Variants in WDR91 observed in about 807,000 individuals in gnomAD.
WDR91 encodes WD repeat domain 91, also known as WD repeat-containing protein 91.
In WDR91, 52 loss-of-function variants were observed where a neutral mutation model predicts 88.4. That is an observed-to-expected ratio of 0.59 (90% CI 0.47 to 0.74). The LOEUF (loss-of-function observed/expected upper bound fraction) is 0.74. Ranked by LOEUF, WDR91 falls within the 30% of genes least tolerant of loss-of-function variation. The pLI is 0.00. For synonymous variants in WDR91, 362 were observed against 389.5 expected, an observed-to-expected ratio of 0.93 and a Z score of 0.83; for missense variants, 824 against 954.5, an observed-to-expected ratio of 0.86 and a Z score of 1.80.
In WDR91 at chr7:135,196,280, G is replaced by A; in HGVS notation, c.1108C>T (p.His370Tyr). 6.2e-7 allele frequency: 1 copy of A among 1,609,680 alleles called. No homozygotes were observed. Among genetic ancestry groups the A allele is most frequent in the South Asian group, 1.1e-5 (1 of 90,464 alleles). The change falls in exon 8 of 15, where the codon CAC (histidine) becomes TAC (tyrosine). Residue 370 changes from histidine to tyrosine, a missense_variant. Transcript: ENST00000354475. This position sits in a 1 kb window ranked among gnomAD's most constrained non-coding sequence, Gnocchi z 4.2. ...GPEAEPCPEL[H>Y]TEPVEPLTRA... Reference sequence around the variant, plus strand: ...GTCAGTGGCTCCACTGGCTCCGTGTGGAGCTCTGGGCAGGGCTCAGCCTCT... The same window carrying A: ...GTCAGTGGCTCCACTGGCTCCGTGTAGAGCTCTGGGCAGGGCTCAGCCTCT...
At chr7:135,199,167 T>C (rs1299608269) in intron 6 of WDR91, 1 of 152,236 alleles carries the variant, frequency 6.6e-6, no homozygotes, top group Non-Finnish European at 1.5e-5. Flanking sequence ...AGTAAATAAT[T>C]TAAAATGATT....
chr7:135,198,986 C>T (rs1417263103), intron 6 of WDR91: 1 of 152,154 alleles, frequency 6.6e-6, no homozygotes, highest in African/African-American at 2.4e-5. Flanking sequence ...ACACCCTCAC[C>T]CTCATTTTTT....
At chr7:135,195,326 G>A (rs778712634) in intron 8 of WDR91, among the ~76,000 whole-genome samples, 9 of 152,270 alleles carry the variant, frequency 5.9e-5, no homozygotes, top group African/African-American at 1.4e-4. Flanking sequence ...GCAAAGAGCC[G>A]TGAGCAAGAG....
intron 6 of WDR91, among the ~76,000 whole-genome samples, chr7:135,203,094 G>A (rs1831631150): frequency 6.6e-6 from 1 of 152,172 alleles, no homozygotes; most frequent in Non-Finnish European, 1.5e-5. Flanking sequence ...AGCAAACTGG[G>A]GTGGGTTTAC....
intron 1 of WDR91, chr7:135,210,817 T>A (rs1404476770): frequency 2.8e-6 from 2 of 703,678 alleles, no homozygotes; most frequent in South Asian, 1.5e-5. Context: ...ATCACACACA[T>A]ATACATTCCA....
chr7:135,207,133 A>C lies in WDR91; in HGVS notation c.581T>G (p.Val194Gly). 6.2e-7 allele frequency: 1 copy of C among 1,606,084 alleles called. No individual in the cohort carries two copies. Among genetic ancestry groups the C allele is most frequent in the South Asian group, 1.1e-5 (1 of 90,954 alleles). Reference protein sequence around the residue: ...RTNQVQEENEVLRQKLFALQA... With the variant: ...RTNQVQEENEGLRQKLFALQA... ...TTCAGAACAAACCTTCTGACGCAGA[A>C]CTTCATTTTCTTCTTGAACCTGGTT... The change falls in exon 4 of 15, where the codon GTT becomes GGT. Residue 194 changes from valine (V) to glycine (G), a missense_variant. By Grantham distance (109) the Val-to-Gly change is moderately radical. Coordinates refer to ENST00000354475, the MANE Select transcript of WDR91 (RefSeq NM_014149.4).
rs1830892167 is a variant in WDR91 at position 135,185,213 on chromosome 7, C to A, written c.*938G>T. The A allele has an allele frequency of 6.6e-6, 1 of 152,190 alleles. No individual in the cohort carries two copies. The highest frequency in any genetic ancestry group is 2.4e-5 in the African/African-American group (1 of 41,418). 9.4% of individuals were successfully genotyped at this position (152,190 alleles called of 1,614,324 possible). A position where few individuals can be genotyped will look rare whatever the true frequency, so the allele number is the denominator to read the frequency against. The stretch of plus-strand genomic sequence containing the variant: ...ACATGACACCACAAGTGGAAAATAC[C>A]ACACCTGACCACAATCAATACTTTG... On this transcript the variant is annotated 3_prime_UTR_variant, in exon 15 of 15. Transcript: ENST00000354475.
At position 135,193,590 on chromosome 7, in the gene WDR91, T is replaced by C. The variant is rs563204680; in HGVS notation, c.1478A>G (p.Asp493Gly). 4.8e-5 allele frequency: 78 copies of C among 1,614,182 alleles called. No individual in the cohort carries two copies. The highest frequency in any genetic ancestry group is 1.3e-4 in the Admixed American group (8 of 60,028). ...KKNLCEININ[D>G]NMPRILSLAC... ...GGTTCCAGTTCACCTGGGCATGTTG[T>C]CGTTGATATTGATTTCACAGAGATT... Residue 493 changes from aspartate (D) to glycine (G), a missense_variant, in exon 10 of 15, where the codon GAC becomes GGC. Transcript: ENST00000354475.
chr7:135,189,155 A>C (rs1048038086), intron 12 of WDR91, among the ~76,000 whole-genome samples, 189 bp downstream of exon 12: 2 of 152,220 alleles, frequency 1.3e-5, no homozygotes, highest in African/African-American at 4.8e-5. Flanking sequence ...TATTGACACT[A>C]ACTATGGGCG....
intron 5 of WDR91, 63 bp downstream of exon 5, chr7:135,205,865 G>A: frequency 1.2e-6 from 2 of 1,605,200 alleles, no homozygotes; most frequent in Admixed American, 1.7e-5. Flanking sequence ...CAAGATCAGA[G>A]GGAACTGTGG....
intron 13 of WDR91, 153 bp downstream of exon 13, chr7:135,188,280 T>C: frequency 1.7e-6 from 1 of 604,608 alleles, no homozygotes; most frequent in South Asian, 2.0e-5. Flanking sequence ...GCAAAGATTG[T>C]AAGACGAATT....
At chr7:135,192,069 GA>G (rs1233285132) in intron 11 of WDR91, among the ~76,000 whole-genome samples, 1 of 150,460 alleles carries the variant, frequency 6.6e-6, no homozygotes, top group African/African-American at 2.4e-5. Flanking sequence ...TGAGCAGAGG[GA>G]AAAAGACAGG....
At position 135,196,197 on chromosome 7, in the gene WDR91, A is replaced by T. The variant is rs143418650; in HGVS notation, c.1191T>A (p.Ile397=). The change falls in exon 8 of 15, where the codon ATT becomes ATA. Residue 397 remains isoleucine, a synonymous_variant. Coordinates refer to ENST00000354475, the MANE Select transcript of WDR91 (RefSeq NM_014149.4). This position sits in a 1 kb window ranked among gnomAD's most constrained non-coding sequence, Gnocchi z 4.2. ...CCCCGTACTCCTCCTGTCCCAGCACAATAAAGGGCTGCTCGGGGCGGACTC... is the reference window on the plus strand; with the variant it reads ...CCCCGTACTCCTCCTGTCCCAGCACTATAAAGGGCTGCTCGGGGCGGACTC... ...GGGVRPEQPF[I]VLGQEEYGEH... 19 of 1,606,774 alleles carry T rather than the reference A, an allele frequency of 1.2e-5. No individual in the cohort carries two copies. The Admixed American group carries it at 2.2e-4, about 19-fold the overall frequency.
Position 135,188,508 on chromosome 7 carries a change from G to A in WDR91, c.1806C>T (p.Ala602=), listed in dbSNP as rs923931927. Residue 602 remains alanine, a synonymous_variant, in exon 13 of 15, where the codon GCC becomes GCT. Coordinates refer to ENST00000354475, the MANE Select transcript of WDR91 (RefSeq NM_014149.4). ...CCACAGAGTAGACCTCCCCGTAGTGGGCCCTCCAGCTCATCGCGCACTCAT... is the reference window on the plus strand; with the variant it reads ...CCACAGAGTAGACCTCCCCGTAGTGAGCCCTCCAGCTCATCGCGCACTCAT... The part of the protein sequence containing the change: ...QQHECAMSWR[A]HYGEVYSVEF... The A allele has an allele frequency of 2.5e-6, 4 of 1,613,816 alleles. No individual in the cohort carries two copies. In the African/African-American group the frequency reaches 5.3e-5, roughly 22 times the overall value.
chr7:135,186,076 T>G lies in WDR91; in HGVS notation c.*75A>C. 1 of 1,465,560 alleles carries G rather than the reference T, an allele frequency of 6.8e-7. No individual in the cohort carries two copies. The highest frequency in any genetic ancestry group is 9.1e-7 in the Non-Finnish European group (1 of 1,103,598). The allele number at this position is 1,465,560 out of a possible 1,614,324, so 90.8% of individuals were successfully genotyped here. A position where few individuals can be genotyped will look rare whatever the true frequency, so the allele number is the denominator to read the frequency against. On this transcript the variant is annotated 3_prime_UTR_variant, in exon 15 of 15. Coordinates refer to ENST00000354475, the MANE Select transcript of WDR91 (RefSeq NM_014149.4). ...TGGCAGGGAGCTGGAGTGGAGCACGTGGTTTTCCTGTCCTATATCTCCTCC... is the reference window on the plus strand; with the variant it reads ...TGGCAGGGAGCTGGAGTGGAGCACGGGGTTTTCCTGTCCTATATCTCCTCC...
At chr7:135,187,975 A>C (rs1490348825) in intron 13 of WDR91, among the ~76,000 whole-genome samples, 1 of 152,116 alleles carries the variant, frequency 6.6e-6, no homozygotes, top group Non-Finnish European at 1.5e-5. Flanking sequence ...CACTATTCCT[A>C]GTTCCTAACC....
intron 5 of WDR91, 27 bp from the exon 6 acceptor site, chr7:135,204,460 A>G: frequency 6.8e-6 from 11 of 1,611,270 alleles, no homozygotes; most frequent in South Asian, 1.1e-5. Context: ...CCACAGGGTC[A>G]GAGGGCTGAA....
chr7:135,205,486 G>A (rs1198119668), intron 5 of WDR91, among the ~76,000 whole-genome samples: 6 of 152,200 alleles, frequency 3.9e-5, no homozygotes, highest in Admixed American at 6.5e-5. Flanking sequence ...GGCTGGACAC[G>A]GTGGCTCACG....
chr7:135,192,987 C>T (rs1156282734), intron 11 of WDR91, among the ~76,000 whole-genome samples: 2 of 152,188 alleles, frequency 1.3e-5, no homozygotes, highest in South Asian at 4.1e-4. Flanking sequence ...CACGAGTCCT[C>T]TCCTAAATAA....
Sources: allele counts gnomAD v4.1 joint callset (sites outside exome capture counted in the v4.1 genomes callset), GRCh38; gene constraint gnomAD v4.1.1; non-coding constraint Gnocchi (gnomAD v3.1); transcripts MANE v1.5; gene names NCBI Gene and HGNC (gene_info 2026-07-23, HGNC 2026-07-21).